The following LRFN5 variants were observed in gnomAD, a reference collection of about 807,000 sequenced individuals.
The protein encoded by LRFN5 is leucine rich repeat and fibronectin type III domain containing 5.
A neutral mutation model predicts 45.6 loss-of-function variants in LRFN5; 24 were observed. The observed-to-expected ratio is 0.53, with a 90% CI of 0.38 to 0.74. The LOEUF (loss-of-function observed/expected upper bound fraction) is 0.74, where lower values mean the gene tolerates loss of function less well. Among genes scored for constraint, LRFN5 ranks in the 30% least tolerant of loss-of-function variants. The probability of loss-of-function intolerance (pLI) is 0.00; values close to 1 mark genes in which losing one functional copy is unlikely to be tolerated. For synonymous variants in LRFN5, 340 were observed against 313.8 expected (o/e 1.08, Z -0.88); for missense variants, 776 against 861.5 (o/e 0.90, Z 1.24).
chr14:41,637,673 G>C (rs187924773), intron 1 of LRFN5, among the ~76,000 whole-genome samples: 61 of 152,194 alleles, frequency 4.0e-4, no homozygotes, highest in South Asian at 3.5e-3. Context: ...CTTATTTGGA[G>C]GTCATTAATA....
intron 2 of LRFN5, among the ~76,000 whole-genome samples, chr14:41,816,821 T>C (rs1369065857): frequency 6.6e-6 from 1 of 152,040 alleles, no homozygotes; most frequent in African/African-American, 2.4e-5. Flanking sequence ...AAACATAATT[T>C]GGGAAAAATC....
intron 1 of LRFN5, among the ~76,000 whole-genome samples, chr14:41,617,284 A>G (rs1002889882): frequency 1.3e-5 from 2 of 152,044 alleles, no homozygotes; most frequent in African/African-American, 4.8e-5. Flanking sequence ...CACTAACCCT[A>G]TAGCTTTATC....
intron 1 of LRFN5, among the ~76,000 whole-genome samples, chr14:41,646,140 A>G (rs1756578635): frequency 6.6e-6 from 1 of 152,026 alleles, no homozygotes; most frequent in Admixed American, 6.6e-5. Flanking sequence ...TCCTTCTTTT[A>G]GCCATTTGAA....
chr14:41,795,925 A>AT (rs918186028), intron 2 of LRFN5, among the ~76,000 whole-genome samples: 6 of 11,040 alleles, frequency 5.4e-4, no homozygotes, highest in African/African-American at 3.0e-3. Flanking sequence ...TAAAGTATAT[A>AT]AAAAAAAAGT....
intron 2 of LRFN5, among the ~76,000 whole-genome samples, chr14:41,849,101 T>C (rs2139071271): frequency 6.6e-6 from 1 of 152,140 alleles, no homozygotes; most frequent in East Asian, 1.9e-4. Flanking sequence ...AAAGAGTCAG[T>C]ATTAAGAAAT....
At chr14:41,705,654 A>G (rs1883033809) in intron 1 of LRFN5, among the ~76,000 whole-genome samples, 2 of 151,832 alleles carry the variant, frequency 1.3e-5, no homozygotes, top group Admixed American at 1.3e-4. Flanking sequence ...TCCATATCAT[A>G]CTCTATCCCT....
In LRFN5 at chr14:41,788,657, C is replaced by T. The variant is rs574020486; in HGVS notation, c.-21+21628C>T. On this transcript the variant is annotated intron_variant, in intron 2 of 5. Coordinates refer to ENST00000298119, the MANE Select transcript of LRFN5 (RefSeq NM_152447.5). ...TACCTGGAGATAGCACCAAAGGAAT[C>T]TACATTAACATGCTTTACTAACTAG... Among the ~76,000 whole-genome samples, 84 of 152,200 alleles carry T rather than the reference C, an allele frequency of 5.5e-4. 2 individuals carry two copies. The South Asian group carries it at 0.017, about 30-fold the overall frequency.
intron 1 of LRFN5, among the ~76,000 whole-genome samples, chr14:41,765,355 GAA>G (rs34981709): frequency 0.32 from 40,205 of 124,848 alleles, 5,853 homozygotes; most frequent in South Asian, 0.44. Flanking sequence ...AAAAAAGGAG[GAA>G]AAAAAAAAAA....
intron 3 of LRFN5, among the ~76,000 whole-genome samples, chr14:41,889,906 C>A (rs1056840835): frequency 1.3e-5 from 2 of 152,104 alleles, no homozygotes; most frequent in East Asian, 3.9e-4. Context: ...CTGTGTCTCC[C>A]AGGCTTGAGT....
intron 1 of LRFN5, among the ~76,000 whole-genome samples, chr14:41,728,220 A>C (rs528991740): frequency 1.3e-5 from 2 of 152,108 alleles, no homozygotes; most frequent in African/African-American, 4.8e-5. Context: ...CACGCAAACA[A>C]ATTTAGTTGG....
At chr14:41,648,012 C>T (rs1460675025) in intron 1 of LRFN5, among the ~76,000 whole-genome samples, 2 of 152,110 alleles carry the variant, frequency 1.3e-5, no homozygotes, top group African/African-American at 4.8e-5. Flanking sequence ...CTCTATGTAA[C>T]CCTATATTAA....
chr14:41,854,371 G>C (rs1889379555), intron 2 of LRFN5, among the ~76,000 whole-genome samples: 2 of 152,008 alleles, frequency 1.3e-5, no homozygotes, highest in Admixed American at 1.3e-4. Flanking sequence ...TCGTGGGGTG[G>C]GGAGGGGGAG....
At chr14:41,675,529 T>C (rs1383931274) in intron 1 of LRFN5, among the ~76,000 whole-genome samples, 1 of 151,246 alleles carries the variant, frequency 6.6e-6, no homozygotes, top group African/African-American at 2.4e-5. Flanking sequence ...GGCAGGGAGG[T>C]TGCAGTGAGC....
intron 2 of LRFN5, among the ~76,000 whole-genome samples, chr14:41,830,235 CAT>C (rs1449356593): frequency 6.6e-6 from 1 of 151,550 alleles, no homozygotes; most frequent in Non-Finnish European, 1.5e-5. Flanking sequence ...TACAACTTTT[CAT>C]GTTTTTTATT....
intron 4 of LRFN5, chr14:41,892,970 G>A: frequency 1.0e-6 from 1 of 985,134 alleles, no homozygotes; most frequent in Non-Finnish European, 1.2e-6. Context: ...TCAAAGGGGT[G>A]TTTATTTTTA....
At chr14:41,728,756 C>A (rs1405721539) in intron 1 of LRFN5, among the ~76,000 whole-genome samples, 1 of 152,110 alleles carries the variant, frequency 6.6e-6, no homozygotes, top group African/African-American at 2.4e-5. Flanking sequence ...TCTCTTGGTT[C>A]TAATGTTCTT....
At chr14:41,814,755 G>A (rs1382016921) in intron 2 of LRFN5, among the ~76,000 whole-genome samples, 2 of 151,458 alleles carry the variant, frequency 1.3e-5, no homozygotes, top group Admixed American at 6.6e-5. Context: ...CTTTTTCATT[G>A]TTGGGTATAT....
chr14:41,902,256 C>T (rs965178650), intron 5 of LRFN5, among the ~76,000 whole-genome samples: 4 of 151,770 alleles, frequency 2.6e-5, no homozygotes, highest in Admixed American at 2.0e-4. Context: ...GGACAATAAC[C>T]AAAACATCCT....
chr14:41,776,049 A>G (rs1334478810), intron 2 of LRFN5, among the ~76,000 whole-genome samples: 1 of 152,180 alleles, frequency 6.6e-6, no homozygotes, highest in Non-Finnish European at 1.5e-5. Context: ...GTCACTAAGT[A>G]GTGATTCCAG....
Sources: allele counts gnomAD v4.1 joint callset (sites outside exome capture counted in the v4.1 genomes callset), GRCh38; gene constraint gnomAD v4.1.1; transcripts MANE v1.5; gene names NCBI Gene and HGNC (gene_info 2026-07-23, HGNC 2026-07-21).